Variants in ACVR2B observed in about 807,000 individuals in gnomAD.
ACVR2B encodes the protein activin A receptor type 2B.
In ACVR2B, 18 loss-of-function variants were observed where a neutral mutation model predicts 65.1. That is an observed-to-expected ratio of 0.28 (90% confidence interval 0.19 to 0.41). ACVR2B has a LOEUF of 0.41. Among genes scored for constraint, ACVR2B ranks in the 10% least tolerant of loss-of-function variants. ACVR2B has a pLI of 1.00. For missense variants in ACVR2B, 482 were observed against 682.7 expected, an observed-to-expected ratio of 0.71 and a Z score of 3.28; for synonymous variants, 298 against 277.7, an observed-to-expected ratio of 1.07 and a Z score of -0.73.
At position 38,483,073 on chromosome 3, in the gene ACVR2B, C is replaced by T; in HGVS notation, c.1345-65C>T. ...TGGGAATATCAAGTTTACTGTCCCC[C>T]AAAGCTTTTCCTCACTGAAGGGTCC... On this transcript the variant is annotated intron_variant, in intron 10 of 10. Coordinates refer to ENST00000352511, the MANE Select transcript of ACVR2B (RefSeq NM_001106.4). This position sits in a 1 kb window ranked among gnomAD's most constrained non-coding sequence, Gnocchi z 4.8. 6.3e-7 allele frequency: 1 copy of T among 1,587,702 alleles called. No individual in the cohort carries two copies. The highest frequency in any genetic ancestry group is 1.3e-5 in the African/African-American group (1 of 74,556).
intron 1 of ACVR2B, among the ~76,000 whole-genome samples, chr3:38,465,357 C>G (rs1199426058): frequency 6.9e-6 from 1 of 144,796 alleles, no homozygotes; most frequent in Admixed American, 7.0e-5. Context: ...GAAATCGCAC[C>G]ACTGCCCTCC....
chr3:38,479,304 G>A, intron 6 of ACVR2B, 33 bp downstream of exon 6: 7 of 1,614,078 alleles, frequency 4.3e-6, no homozygotes, highest in Non-Finnish European at 5.1e-6. Flanking sequence ...GACTCTGAGA[G>A]GAGATGGAAT....
chr3:38,469,251 A>G (rs1399185393), intron 1 of ACVR2B, among the ~76,000 whole-genome samples: 2 of 152,234 alleles, frequency 1.3e-5, no homozygotes, highest in Non-Finnish European at 2.9e-5. Context: ...TAAGGGAAAA[A>G]CAAGAAGGAG....
In ACVR2B at chr3:38,483,503, T is replaced by C. The variant is rs1225355319; in HGVS notation, c.*171T>C. The C allele has an allele frequency of 7.3e-6, 2 of 273,426 alleles. 1 individual carries two copies. The highest frequency in any genetic ancestry group is 1.2e-5 in the Non-Finnish European group (2 of 164,430). The allele number at this position is 273,426 out of a possible 1,614,324, so 16.9% of individuals were successfully genotyped here. A position where few individuals can be genotyped will look rare whatever the true frequency, so the allele number is the denominator to read the frequency against. On this transcript the variant is annotated 3_prime_UTR_variant, in exon 11 of 11. Coordinates refer to ENST00000352511, the MANE Select transcript of ACVR2B (RefSeq NM_001106.4). This position sits in a 1 kb window ranked among gnomAD's most constrained non-coding sequence, Gnocchi z 4.8. Reference sequence around the variant, plus strand: ...TAATTATTATAATTATTATTATTAATATTATTTTTTGGATTGGATCAGTTT... The same window carrying C: ...TAATTATTATAATTATTATTATTAACATTATTTTTTGGATTGGATCAGTTT...
intron 1 of ACVR2B, among the ~76,000 whole-genome samples, chr3:38,455,488 G>A (rs1169216390): frequency 6.6e-6 from 1 of 152,170 alleles, no homozygotes; most frequent in African/African-American, 2.4e-5. Context: ...GGCGTGCAGG[G>A]GCGGGGCCGG....
chr3:38,473,465 T>G (rs1227538910), intron 1 of ACVR2B: 2 of 152,340 alleles, frequency 1.3e-5, no homozygotes, highest in African/African-American at 2.4e-5. Context: ...AGAGGTGGCC[T>G]GTGGTTGGAG....
intron 1 of ACVR2B, among the ~76,000 whole-genome samples, chr3:38,455,910 C>T (rs1034113687): frequency 1.3e-5 from 2 of 152,198 alleles, no homozygotes; most frequent in Admixed American, 1.3e-4. Context: ...TGCCTCCAGA[C>T]CCGCTGGGTG....
chr3:38,459,622 G>A (rs1014032758), intron 1 of ACVR2B: 46 of 985,426 alleles, frequency 4.7e-5, no homozygotes, highest in East Asian at 2.3e-4. Flanking sequence ...CCGGGGAGCC[G>A]CAGAGGCTGT....
chr3:38,458,459 A>G (rs1435025790), intron 1 of ACVR2B, among the ~76,000 whole-genome samples: 6 of 152,144 alleles, frequency 3.9e-5, no homozygotes, highest in Non-Finnish European at 7.3e-5. Flanking sequence ...CCCTGCACAT[A>G]TCCACTGTAG....
chr3:38,477,186 C>T lies in ACVR2B; in HGVS notation c.53-101C>T. 7.0e-7 allele frequency: 1 copy of T among 1,418,692 alleles called. No homozygotes were observed. The highest frequency in any genetic ancestry group is 9.8e-7 in the Non-Finnish European group (1 of 1,025,444). 87.9% of individuals were successfully genotyped at this position (1,418,692 alleles called of 1,614,324 possible). Reference sequence around the variant, plus strand: ...TTGGTGACCCCAACCCACCACCCGGCCTCCCTCCCTCAGGGTGGCCTGGCA... The same window carrying T: ...TTGGTGACCCCAACCCACCACCCGGTCTCCCTCCCTCAGGGTGGCCTGGCA... On this transcript the variant is annotated intron_variant, in intron 1 of 10. Coordinates refer to ENST00000352511, the MANE Select transcript of ACVR2B (RefSeq NM_001106.4). The surrounding 1 kb of genome is among the most constrained non-coding windows in gnomAD (Gnocchi z 6.7).
At chr3:38,458,979 C>G (rs1328213990) in intron 1 of ACVR2B, among the ~76,000 whole-genome samples, 2 of 152,116 alleles carry the variant, frequency 1.3e-5, no homozygotes, top group African/African-American at 4.8e-5. Context: ...TCCAGTAGAT[C>G]CTCTTTAATC....
At position 38,477,989 on chromosome 3, in the gene ACVR2B, A is replaced by AG; in HGVS notation, c.370+20dup. On this transcript the variant is annotated intron_variant, in intron 3 of 10. Transcript: ENST00000352511. The surrounding 1 kb of genome is among the most constrained non-coding windows in gnomAD (Gnocchi z 6.7). The stretch of plus-strand genomic sequence containing the variant: ...CCGGAAGGTAAGGGGGCAGTGTGGA[A>AG]GTGGGGCCTTGAGTCAGCCGACCTG... 6.2e-7 allele frequency: 1 copy of AG among 1,613,044 alleles called. No homozygotes were observed.
chr3:38,479,632 C>G lies in ACVR2B; in HGVS notation c.811-46C>G, dbSNP rs1314614282. The G allele has an allele frequency of 2.5e-6, 4 of 1,609,270 alleles. No homozygotes were observed. In the Admixed American group the frequency reaches 6.7e-5, roughly 27 times the overall value. On this transcript the variant is annotated intron_variant, in intron 6 of 10. Transcript: ENST00000352511. Reference sequence around the variant, plus strand: ...CTGCCAGGGCTGGGCTGGGTCCTGTCCTGTACCCAGAATCTGTGCTCAAGT... The same window carrying G: ...CTGCCAGGGCTGGGCTGGGTCCTGTGCTGTACCCAGAATCTGTGCTCAAGT...
intron 1 of ACVR2B, among the ~76,000 whole-genome samples, chr3:38,466,653 G>A (rs573066767): frequency 1.6e-4 from 24 of 152,090 alleles, no homozygotes; most frequent in African/African-American, 2.6e-4. Context: ...ACAGGCACAC[G>A]CCACCAAGCC....
Position 38,478,502 on chromosome 3 carries a change from A to T in ACVR2B, c.650A>T (p.Lys217Met). The change falls in exon 5 of 11, where the codon AAG (lysine) becomes ATG (methionine). Residue 217 changes from lysine to methionine, a missense_variant. Transcript: ENST00000352511. ...AQLMNDFVAVKIFPLQDKQSW... is the reference protein window; with the variant it reads ...AQLMNDFVAVMIFPLQDKQSW... ...CTCATGAATGACTTTGTAGCTGTCA[A>T]GATCTTCCCACTCCAGGTGAGTGTT... is the stretch of plus-strand genomic sequence containing the variant. The T allele has an allele frequency of 6.2e-7, 1 of 1,614,156 alleles. No homozygotes were observed. Among genetic ancestry groups the T allele is most frequent in the Non-Finnish European group, 8.5e-7 (1 of 1,180,030 alleles).
In ACVR2B at chr3:38,492,819, C is replaced by T. The variant is rs1292394048; in HGVS notation, c.*9487C>T. On this transcript the variant is annotated 3_prime_UTR_variant, in exon 11 of 11. Coordinates refer to ENST00000352511, the MANE Select transcript of ACVR2B (RefSeq NM_001106.4). ...ACACACACACATACACCTAAAATGG[C>T]CTAAAGCAGACATCCATGTAATTAC... 1 of 139,262 alleles carries T rather than the reference C, an allele frequency of 7.2e-6. No homozygotes were observed. Among genetic ancestry groups the T allele is most frequent in the Non-Finnish European group, 1.5e-5 (1 of 65,714 alleles). The allele number at this position is 139,262 out of a possible 1,614,324, so 8.6% of individuals were successfully genotyped here. A position where few individuals can be genotyped will look rare whatever the true frequency, so the allele number is the denominator to read the frequency against.
At position 38,476,987 on chromosome 3, in the gene ACVR2B, G is replaced by T. The variant is rs372250958; in HGVS notation, c.53-300G>T. The T allele has an allele frequency of 1.2e-5, 6 of 513,262 alleles. No homozygotes were observed. In the East Asian group the frequency reaches 1.4e-4, roughly 12 times the overall value. 31.8% of individuals were successfully genotyped at this position (513,262 alleles called of 1,614,324 possible). On this transcript the variant is annotated intron_variant, in intron 1 of 10. Transcript: ENST00000352511. ...TGTGCATCTGGACTCTGTCTGTCTG[G>T]CTGTTTATCCATCCTTCTGTGGCAT... is the stretch of plus-strand genomic sequence containing the variant.
intron 1 of ACVR2B, among the ~76,000 whole-genome samples, chr3:38,467,553 C>T (rs115284765): frequency 6.6e-6 from 1 of 151,480 alleles, no homozygotes. Flanking sequence ...GAGTTTGAGA[C>T]CATCTTAGGC....
rs1170904313 is a variant in ACVR2B at position 38,491,066 on chromosome 3, A to C, written c.*7734A>C. On this transcript the variant is annotated 3_prime_UTR_variant, in exon 11 of 11. Transcript: ENST00000352511. Reference sequence around the variant, plus strand: ...ATTCCTTTAAATGGCAGGATAAAAAACCCACTATCCACCATAGTGCATTTT... The same window carrying C: ...ATTCCTTTAAATGGCAGGATAAAAACCCCACTATCCACCATAGTGCATTTT... 2.0e-5 allele frequency: 3 copies of C among 152,600 alleles called. No individual in the cohort carries two copies. The highest frequency in any genetic ancestry group is 4.4e-5 in the Non-Finnish European group (3 of 68,040). The allele number at this position is 152,600 out of a possible 1,614,324, so 9.5% of individuals were successfully genotyped here.
Sources: allele counts gnomAD v4.1 joint callset (sites outside exome capture counted in the v4.1 genomes callset), GRCh38; gene constraint gnomAD v4.1.1; non-coding constraint Gnocchi (gnomAD v3.1); transcripts MANE v1.5; gene names NCBI Gene and HGNC (gene_info 2026-07-23, HGNC 2026-07-21).